Variants in DCLK2 observed in about 807,000 individuals in gnomAD.
DCLK2 encodes doublecortin like kinase 2.
Under a neutral mutation model 78.4 loss-of-function variants are expected in DCLK2, and 31 were observed. That is an observed-to-expected ratio of 0.40 (90% CI 0.30 to 0.53). The LOEUF is 0.53. Ranked by LOEUF, DCLK2 falls within the 20% of genes least tolerant of loss-of-function variation. The pLI is 0.61. For synonymous variants in DCLK2, 407 were observed against 374.9 expected, an observed-to-expected ratio of 1.09 and a Z score of -0.99; for missense variants, 872 against 973.7, an observed-to-expected ratio of 0.90 and a Z score of 1.39.
chr4:150,142,605 G>A (rs1304885647), intron 2 of DCLK2, among the ~76,000 whole-genome samples: 1 of 151,998 alleles, frequency 6.6e-6, no homozygotes, highest in Non-Finnish European at 1.5e-5. Context: ...TTTATTTATG[G>A]AATCTGTTCT....
intron 1 of DCLK2, among the ~76,000 whole-genome samples, chr4:150,090,060 C>T (rs76150140): frequency 0.027 from 4,184 of 152,252 alleles, 156 homozygotes; most frequent in African/African-American, 0.092. Context: ...AGTAGTTGTT[C>T]AGATGTTCCA....
At chr4:150,122,620 G>T (rs544143564) in intron 2 of DCLK2, among the ~76,000 whole-genome samples, 1 of 152,302 alleles carries the variant, frequency 6.6e-6, no homozygotes, top group African/African-American at 2.4e-5. Flanking sequence ...GGGGGCTAGG[G>T]GAGGGAGAGC....
intron 2 of DCLK2, among the ~76,000 whole-genome samples, chr4:150,161,415 T>TA (rs1735700737): frequency 6.6e-6 from 1 of 152,182 alleles, no homozygotes; most frequent in Admixed American, 6.5e-5. Context: ...CAGAGGGTAA[T>TA]ATATCTAGGA....
chr4:150,133,257 A>G (rs1733454345), intron 2 of DCLK2, among the ~76,000 whole-genome samples: 1 of 152,230 alleles, frequency 6.6e-6, no homozygotes, highest in Non-Finnish European at 1.5e-5. Flanking sequence ...GAGAAATGAA[A>G]CAAGGTAGAA....
chr4:150,092,464 A>G (rs897529246), intron 1 of DCLK2, among the ~76,000 whole-genome samples: 1 of 152,076 alleles, frequency 6.6e-6, no homozygotes, highest in Non-Finnish European at 1.5e-5. Context: ...ATCTTCTCTA[A>G]TACCTTTTTT....
At chr4:150,102,447 C>T (rs770086310) in intron 1 of DCLK2, 31 bp from the exon 2 acceptor site, 2 of 1,593,388 alleles carry the variant, frequency 1.3e-6, no homozygotes, top group East Asian at 4.5e-5. Flanking sequence ...TAGAGATAAT[C>T]ATGCTAATAA....
intron 6 of DCLK2, 62 bp downstream of exon 6, chr4:150,220,840 C>G: frequency 7.7e-7 from 1 of 1,297,398 alleles, no homozygotes; most frequent in Non-Finnish European, 1.1e-6. Context: ...TTGGTGCTCA[C>G]CTAAAACTCA....
At chr4:150,159,994 T>A (rs1052482618) in intron 2 of DCLK2, among the ~76,000 whole-genome samples, 1 of 135,500 alleles carries the variant, frequency 7.4e-6, no homozygotes, top group African/African-American at 3.6e-5. Context: ...TTTGATGACT[T>A]TTTTTTTTTT....
chr4:150,202,413 T>C (rs2126445175), intron 4 of DCLK2, among the ~76,000 whole-genome samples: 1 of 152,332 alleles, frequency 6.6e-6, no homozygotes, highest in African/African-American at 2.4e-5. Context: ...TTTTGGAAAT[T>C]TAAAAATAAC....
chr4:150,192,984 G>A (rs374288610), intron 2 of DCLK2, among the ~76,000 whole-genome samples, 154 bp from the exon 3 acceptor site: 24 of 152,310 alleles, frequency 1.6e-4, no homozygotes, highest in African/African-American at 5.8e-4. Context: ...AAAGTGCTTT[G>A]TGAAGGTAAA....
intron 2 of DCLK2, among the ~76,000 whole-genome samples, chr4:150,184,577 G>A (rs1270795964): frequency 1.4e-5 from 2 of 143,762 alleles, no homozygotes; most frequent in Non-Finnish European, 3.0e-5. Context: ...TGTCAGTCTT[G>A]TGTTTCTTCT....
chr4:150,117,076 G>T (rs1226345900), intron 2 of DCLK2, among the ~76,000 whole-genome samples: 1 of 152,138 alleles, frequency 6.6e-6, no homozygotes, highest in Non-Finnish European at 1.5e-5. Flanking sequence ...GGTGGGGGCT[G>T]GATAAGGCAG....
chr4:150,117,073 G>A (rs372450092), intron 2 of DCLK2, among the ~76,000 whole-genome samples: 1 of 152,124 alleles, frequency 6.6e-6, no homozygotes, highest in African/African-American at 2.4e-5. Flanking sequence ...CCAGGTGGGG[G>A]CTGGATAAGG....
intron 15 of DCLK2, among the ~76,000 whole-genome samples, chr4:150,250,512 C>G (rs1403229045): frequency 1.3e-5 from 2 of 151,956 alleles, no homozygotes; most frequent in African/African-American, 4.8e-5. Context: ...TCCCCACACA[C>G]TCCCAGGAGC....
chr4:150,180,394 G>A (rs532262797), intron 2 of DCLK2, among the ~76,000 whole-genome samples: 140 of 152,252 alleles, frequency 9.2e-4, no homozygotes, highest in Non-Finnish European at 1.7e-3. Context: ...TTTTGGATTG[G>A]AAGATTGCCA....
intron 2 of DCLK2, among the ~76,000 whole-genome samples, chr4:150,134,588 T>G (rs1209187132): frequency 1.3e-5 from 2 of 152,214 alleles, no homozygotes; most frequent in Non-Finnish European, 2.9e-5. Flanking sequence ...CAATTTTGAT[T>G]TTTTTCTTTG....
At chr4:150,240,858 T>A (rs1183465029) in intron 12 of DCLK2, among the ~76,000 whole-genome samples, 1 of 152,144 alleles carries the variant, frequency 6.6e-6, no homozygotes, top group African/African-American at 2.4e-5. Context: ...ATTAGCATAC[T>A]TTGGGTGTGA....
At chr4:150,172,808 CA>C (rs1465092791) in intron 2 of DCLK2, among the ~76,000 whole-genome samples, 1 of 141,758 alleles carries the variant, frequency 7.1e-6, no homozygotes, top group South Asian at 2.3e-4. Flanking sequence ...CCTGGCAGTA[CA>C]AAAAATTTTG....
At chr4:150,208,026 G>A (rs1350923282) in intron 5 of DCLK2, among the ~76,000 whole-genome samples, 6 of 152,150 alleles carry the variant, frequency 3.9e-5, no homozygotes, top group African/African-American at 4.8e-5. Context: ...AGAGGCTTCC[G>A]GCTCAACCGA....
Sources: allele counts gnomAD v4.1 joint callset (sites outside exome capture counted in the v4.1 genomes callset), GRCh38; gene constraint gnomAD v4.1.1; transcripts MANE v1.5; gene names NCBI Gene and HGNC (gene_info 2026-07-23, HGNC 2026-07-21).